HIVEP3: variants seen among roughly 807,000 people sequenced by gnomAD.
HIVEP3 encodes transcription factor HIVEP3.
HIVEP3 carries 49 observed loss-of-function variants against 152.8 expected under a neutral mutation model. That is an observed-to-expected ratio of 0.32 (90% CI 0.26 to 0.41). The LOEUF is 0.41. Ranked by LOEUF, HIVEP3 falls within the 10% of genes least tolerant of loss-of-function variation. The pLI is 1.00. For missense variants in HIVEP3, 2,790 were observed against 3,103.3 expected (o/e 0.90, Z 2.40); for synonymous variants, 1,269 against 1,289.0 (o/e 0.98, Z 0.33).
At chr1:41,767,216 A>G (rs749345555) in intron 1 of HIVEP3, among the ~76,000 whole-genome samples, 9 of 152,150 alleles carry the variant, frequency 5.9e-5, no homozygotes, top group African/African-American at 9.7e-5. Flanking sequence ...TCTGGGCCCC[A>G]AGATTCCTTC....
At chr1:41,761,267 T>C (rs937723876) in intron 1 of HIVEP3, among the ~76,000 whole-genome samples, 3 of 152,194 alleles carry the variant, frequency 2.0e-5, no homozygotes, top group African/African-American at 7.2e-5. Context: ...CATGTGCATG[T>C]GTATGCCTGT....
At chr1:41,819,357 ATTCT>A (rs1333460864) in intron 1 of HIVEP3, among the ~76,000 whole-genome samples, 1 of 151,930 alleles carries the variant, frequency 6.6e-6, no homozygotes, top group Non-Finnish European at 1.5e-5. Flanking sequence ...TTGCTAAAGA[ATTCT>A]TTATCTTTTG....
At chr1:41,722,218 G>C in intron 1 of HIVEP3, among the ~76,000 whole-genome samples, 1 of 152,164 alleles carries the variant, frequency 6.6e-6, no homozygotes, top group East Asian at 1.9e-4. Context: ...CTGCAGACTT[G>C]TCTTACCTCC....
intron 1 of HIVEP3, among the ~76,000 whole-genome samples, chr1:41,878,650 A>G (rs1644209202): frequency 6.6e-6 from 1 of 151,732 alleles, no homozygotes; most frequent in Admixed American, 6.6e-5. Context: ...TGTATGTACA[A>G]AAGAATTCCT....
intron 1 of HIVEP3, among the ~76,000 whole-genome samples, chr1:41,913,341 G>A (rs951400344): frequency 6.6e-6 from 1 of 152,146 alleles, no homozygotes; most frequent in South Asian, 2.1e-4. Flanking sequence ...GATGGAGGAG[G>A]ATTTCAAAAT....
intron 2 of HIVEP3, among the ~76,000 whole-genome samples, chr1:41,699,749 G>T (rs1646333184): frequency 6.6e-6 from 1 of 152,012 alleles, no homozygotes; most frequent in Admixed American, 6.6e-5. Context: ...CCCTATTGAG[G>T]TTCTGTAGAT....
intron 5 of HIVEP3, among the ~76,000 whole-genome samples, chr1:41,563,571 G>A (rs980513108): frequency 3.3e-5 from 5 of 152,106 alleles, no homozygotes; most frequent in South Asian, 2.1e-4. Context: ...ACTCCCCGAC[G>A]AAACAGCCCC....
intron 1 of HIVEP3, among the ~76,000 whole-genome samples, chr1:41,798,568 T>C (rs1650115696): frequency 1.3e-5 from 2 of 152,232 alleles, no homozygotes; most frequent in African/African-American, 4.8e-5. Flanking sequence ...AGCTTGGTCT[T>C]TTCTCCAAAA....
chr1:41,933,517 A>G (rs72949460), intron 1 of HIVEP3, among the ~76,000 whole-genome samples: 5,879 of 152,196 alleles, frequency 0.039, 367 homozygotes, highest in African/African-American at 0.13. Context: ...TGCACAGCAT[A>G]TCTTTTTCTA....
At chr1:41,716,924 C>A (rs972114268) in intron 1 of HIVEP3, among the ~76,000 whole-genome samples, 1 of 152,266 alleles carries the variant, frequency 6.6e-6, no homozygotes, top group African/African-American at 2.4e-5. Context: ...TGAGTGCCAG[C>A]AACAGAAAGC....
chr1:41,904,370 A>G (rs1414186508), intron 1 of HIVEP3, among the ~76,000 whole-genome samples: 1 of 152,216 alleles, frequency 6.6e-6, no homozygotes, highest in African/African-American at 2.4e-5. Flanking sequence ...CCTTGGCTGC[A>G]CATTAAAATC....
rs181843216 is a variant in HIVEP3, at chr1:41,689,153, C to T, written c.-721+11763G>A. Reference sequence around the variant, plus strand: ...TTTCCCCAGCAAACAGCACAAGGTACGTATTGATGTTTCCGTAGGTATTTG... The same window carrying T: ...TTTCCCCAGCAAACAGCACAAGGTATGTATTGATGTTTCCGTAGGTATTTG... On this transcript the variant is annotated intron_variant, in intron 2 of 8. Transcript: ENST00000372583. Among the ~76,000 whole-genome samples the T allele has an allele frequency of 1.3e-4, 20 of 152,312 alleles. No individual in the cohort carries two copies. In the East Asian group the frequency reaches 2.1e-3, roughly 16 times the overall value.
intron 1 of HIVEP3, among the ~76,000 whole-genome samples, chr1:41,936,276 C>T (rs1473154948): frequency 1.3e-5 from 2 of 152,160 alleles, no homozygotes; most frequent in Non-Finnish European, 2.9e-5. Flanking sequence ...GACTCATGTG[C>T]GAGTCAAGAT....
chr1:41,654,155 G>C (rs1232347522), intron 2 of HIVEP3, among the ~76,000 whole-genome samples: 1 of 152,122 alleles, frequency 6.6e-6, no homozygotes, highest in African/African-American at 2.4e-5. Flanking sequence ...AAGTGAAATT[G>C]AGTTGGTGAA....
At chr1:41,784,626 T>C (rs1649241185) in intron 1 of HIVEP3, among the ~76,000 whole-genome samples, 1 of 152,118 alleles carries the variant, frequency 6.6e-6, no homozygotes, top group African/African-American at 2.4e-5. Context: ...CACCCCAAAC[T>C]GTGAGGGGCT....
chr1:41,794,474 A>G (rs2124302910), intron 1 of HIVEP3, among the ~76,000 whole-genome samples: 1 of 152,340 alleles, frequency 6.6e-6, no homozygotes, highest in Admixed American at 6.5e-5. Flanking sequence ...ATAGGTAAAA[A>G]TGTAGAACTA....
intron 2 of HIVEP3, among the ~76,000 whole-genome samples, chr1:41,667,046 G>A (rs1023163688): frequency 2.0e-5 from 3 of 152,136 alleles, no homozygotes; most frequent in Non-Finnish European, 4.4e-5. Context: ...CCTTGTGAAG[G>A]CTTCCCTGGC....
At chr1:41,518,583 G>T in intron 6 of HIVEP3, 95 bp from the exon 7 acceptor site, 1 of 1,184,216 alleles carries the variant, frequency 8.4e-7, no homozygotes, top group South Asian at 1.2e-5. Flanking sequence ...GGCAGGCCAT[G>T]GTTTCTCAGG....
upstream of HIVEP3, among the ~76,000 whole-genome samples, chr1:41,921,198 A>C (rs914428113): frequency 2.0e-5 from 3 of 152,204 alleles, no homozygotes; most frequent in Non-Finnish European, 4.4e-5. Flanking sequence ...GGGAAGATAC[A>C]AAGTAGATGG....
Sources: gnomAD v4.1 joint callset for allele counts (sites outside exome capture counted in the v4.1 genomes callset) on GRCh38, gnomAD v4.1.1 for gene constraint, MANE v1.5 for transcripts, NCBI Gene and HGNC (gene_info 2026-07-23, HGNC 2026-07-21) for gene names.